The following PI16 variants were observed in gnomAD, a reference collection of about 807,000 sequenced individuals.
PI16 encodes the protein peptidase inhibitor 16.
In PI16, 35 loss-of-function variants were observed where a neutral mutation model predicts 38.0. That is an observed-to-expected ratio of 0.92 (90% CI 0.70 to 1.22). The LOEUF (loss-of-function observed/expected upper bound fraction) is 1.22. Among genes scored for constraint, PI16 ranks in the 50% most tolerant of loss-of-function variants. The pLI, the probability that PI16 is intolerant of heterozygous loss-of-function variation, is 0.00. For missense variants in PI16, 572 were observed against 593.8 expected (o/e 0.96, Z 0.38); for synonymous variants, 275 against 252.9 (o/e 1.09, Z -0.83).
intron 1 of PI16, among the ~76,000 whole-genome samples, chr6:36,958,286 G>A (rs967958349): frequency 6.6e-6 from 1 of 152,212 alleles, no homozygotes; most frequent in Non-Finnish European, 1.5e-5. Context: ...TGGGATCCAG[G>A]TTTCCCCTCC....
chr6:36,962,124 T>C lies in PI16; in HGVS notation c.592+150T>C. ...CCACCGGGGGCCCCTGGCGGCTCCCTTAGCCCCCCACGCGCAGCCACTTTG... is the reference window on the plus strand; with the variant it reads ...CCACCGGGGGCCCCTGGCGGCTCCCCTAGCCCCCCACGCGCAGCCACTTTG... On this transcript the variant is annotated intron_variant, in intron 4 of 6. Coordinates refer to ENST00000373674, the MANE Select transcript of PI16 (RefSeq NM_153370.3). The surrounding 1 kb of genome is among the most constrained non-coding windows in gnomAD (Gnocchi z 4.1). 1 of 607,574 alleles carries C rather than the reference T, an allele frequency of 1.6e-6. No homozygotes were observed. Among genetic ancestry groups the C allele is most frequent in the Non-Finnish European group, 2.9e-6 (1 of 339,338 alleles). The allele number at this position is 607,574 out of a possible 1,614,324, so 37.6% of individuals were successfully genotyped here. A position where few individuals can be genotyped will look rare whatever the true frequency, so the allele number is the denominator to read the frequency against.
chr6:36,954,982 G>A (rs981680894), intron 1 of PI16, 51 bp downstream of exon 1: 1 of 1,580,100 alleles, frequency 6.3e-7, no homozygotes, highest in African/African-American at 1.3e-5. Flanking sequence ...GTGCTGGCCA[G>A]GGTCTGTCAC....
rs1451577601 is a variant in PI16 at position 36,954,915 on chromosome 6, C to T, written c.155C>T (p.Ser52Leu). 2 of 1,613,040 alleles carry T rather than the reference C, an allele frequency of 1.2e-6. No homozygotes were observed. Among genetic ancestry groups the T allele is most frequent in the African/African-American group, 1.3e-5 (1 of 74,874 alleles). ...CGGGCCCAGGTATCCCCGACGGCCT[C>T]AGACATGCTGCACATGGTAAGTGTG... ...LYRAQVSPTASDMLHMRWDEE... is the reference protein window; with the variant it reads ...LYRAQVSPTALDMLHMRWDEE... The change falls in exon 1 of 7, where the codon TCA becomes TTA. Residue 52 changes from serine (S) to leucine (L), a missense_variant. By Grantham distance (145) the Ser-to-Leu change is moderately radical (BLOSUM62 -2). Transcript: ENST00000373674.
In PI16 at chr6:36,954,887, T is replaced by A. The variant is rs768386245; in HGVS notation, c.127T>A (p.Tyr43Asn). 1.4e-5 allele frequency: 22 copies of A among 1,613,890 alleles called. No individual in the cohort carries two copies. The highest frequency in any genetic ancestry group is 1.8e-5 in the Non-Finnish European group (21 of 1,180,030). Residue 43 changes from tyrosine (Y) to asparagine (N), a missense_variant, in exon 1 of 7, where the codon TAC (tyrosine) becomes AAC (asparagine). Coordinates refer to ENST00000373674, the MANE Select transcript of PI16 (RefSeq NM_153370.3). The part of the protein sequence containing the change: ...KRLMVELHNL[Y>N]RAQVSPTASD... ...TTTGATGGTGGAGCTGCACAACCTC[T>A]ACCGGGCCCAGGTATCCCCGACGGC...
At position 36,962,854 on chromosome 6, in the gene PI16, C is replaced by T. The variant is rs946719602; in HGVS notation, c.593-81C>T. 8.3e-5 allele frequency: 99 copies of T among 1,198,722 alleles called. No homozygotes were observed. Among genetic ancestry groups the T allele is most frequent in the Middle Eastern group, 2.7e-4 (1 of 3,728 alleles). 74.3% of individuals were successfully genotyped at this position (1,198,722 alleles called of 1,614,324 possible). Reference sequence around the variant, plus strand: ...TGTGTGTCCTGGTAGGACATTTGGTCGCGTCACTTGGTTTGCAGTGCCATG... The same window carrying T: ...TGTGTGTCCTGGTAGGACATTTGGTTGCGTCACTTGGTTTGCAGTGCCATG... On this transcript the variant is annotated intron_variant, in intron 4 of 6. Coordinates refer to ENST00000373674, the MANE Select transcript of PI16 (RefSeq NM_153370.3). The surrounding 1 kb of genome is among the most constrained non-coding windows in gnomAD (Gnocchi z 4.1).
chr6:36,954,749 C>T lies in PI16; in HGVS notation c.-12C>T, dbSNP rs760235156. The T allele has an allele frequency of 2.4e-5, 38 of 1,606,310 alleles. No individual in the cohort carries two copies. Among genetic ancestry groups the T allele is most frequent in the Middle Eastern group, 1.7e-4 (1 of 6,034 alleles). Reference sequence around the variant, plus strand: ...GACCCCTGGACGGGAGAAGGAGAGACGGCTGGCCACCATGCACGGCTCCTG... The same window carrying T: ...GACCCCTGGACGGGAGAAGGAGAGATGGCTGGCCACCATGCACGGCTCCTG... On this transcript the variant is annotated 5_prime_UTR_variant, in exon 1 of 7. In the 5' UTR this introduces an upstream ATG that the reference lacks. Transcript: ENST00000373674.
In PI16 at chr6:36,961,891, A is replaced by C. The variant is rs1157785635; in HGVS notation, c.509A>C (p.Asn170Thr). ...ATCCTCCTGACCTCCTGTAGGGGGA[A>C]CGTGAAGGGGAAACGGCCCTACCAG... ...LLVCNYEPPG[N>T]VKGKRPYQEG... The change falls in exon 4 of 7, where the codon AAC becomes ACC. Residue 170 changes from asparagine to threonine, a missense_variant. Physicochemically the swap from Asn to Thr is moderately conservative, Grantham distance 65 (BLOSUM62 0). Coordinates refer to ENST00000373674, the MANE Select transcript of PI16 (RefSeq NM_153370.3). 1.2e-6 allele frequency: 2 copies of C among 1,613,276 alleles called. No homozygotes were observed. Among genetic ancestry groups the C allele is most frequent in the Admixed American group, 3.3e-5 (2 of 59,986 alleles).
Position 36,963,217 on chromosome 6 carries a change from T to C in PI16, c.875T>C (p.Leu292Ser). ...PCVTTEVPSI[L>S]AAHSLPSLDE... Reference sequence around the variant, plus strand: ...GTAACAACTGAGGTCCCTTCCATTTTGGCAGCTCACAGCCTGCCCTCCTTG... The same window carrying C: ...GTAACAACTGAGGTCCCTTCCATTTCGGCAGCTCACAGCCTGCCCTCCTTG... The change falls in exon 5 of 7, where the codon TTG (leucine) becomes TCG (serine). Residue 292 changes from leucine to serine, a missense_variant. Leu to Ser is a moderately radical substitution (Grantham distance 145, BLOSUM62 -2). Coordinates refer to ENST00000373674, the MANE Select transcript of PI16 (RefSeq NM_153370.3). The C allele has an allele frequency of 1.2e-6, 2 of 1,614,258 alleles. No homozygotes were observed. Among genetic ancestry groups the C allele is most frequent in the Admixed American group, 3.3e-5 (2 of 60,032 alleles).
chr6:36,963,396 C>T lies in PI16; in HGVS notation c.1054C>T (p.His352Tyr). 1 of 1,614,214 alleles carries T rather than the reference C, an allele frequency of 6.2e-7. No homozygotes were observed. Among genetic ancestry groups the T allele is most frequent in the Non-Finnish European group, 8.5e-7 (1 of 1,180,032 alleles). ...SLTGARELLP[H>Y]AQEEAEAEAE... is the part of the protein sequence containing the mutation. The stretch of plus-strand genomic sequence containing the variant: ...GACAGGGGCAAGGGAACTCCTACCC[C>T]ATGCCCAGGAGGAGGCTGAGGCTGA... Residue 352 changes from histidine to tyrosine, a missense_variant, in exon 5 of 7, where the codon CAT (histidine) becomes TAT (tyrosine). Transcript: ENST00000373674.
At chr6:36,960,500 G>C (rs1228108065) in intron 2 of PI16, among the ~76,000 whole-genome samples, 1 of 152,134 alleles carries the variant, frequency 6.6e-6, no homozygotes, top group African/African-American at 2.4e-5. Flanking sequence ...CCATTTCTCA[G>C]TGTCTCTTTT....
upstream of PI16, among the ~76,000 whole-genome samples, chr6:36,950,054 T>A (rs1283968237): frequency 6.6e-6 from 1 of 152,188 alleles, no homozygotes; most frequent in Non-Finnish European, 1.5e-5. This position sits in a 1 kb window ranked among gnomAD's most constrained non-coding sequence, Gnocchi z 4.2. Context: ...AAATTTACCA[T>A]CTTACCCATG....
At position 36,959,378 on chromosome 6, in the gene PI16, G is replaced by C; in HGVS notation, c.393+12G>C. On this transcript the variant is annotated intron_variant, in intron 2 of 6. Coordinates refer to ENST00000373674, the MANE Select transcript of PI16 (RefSeq NM_153370.3). ...GCCACTACACGCAGGTGTGGGCCCG[G>C]CGGGCGAGGCGGGGCGGAGCCTCGC... 6.5e-7 allele frequency: 1 copy of C among 1,541,780 alleles called. No individual in the cohort carries two copies. The highest frequency in any genetic ancestry group is 8.7e-7 in the Non-Finnish European group (1 of 1,143,480).
Position 36,962,098 on chromosome 6 carries a change from AC to A in PI16, c.592+126del. 1 of 709,370 alleles carries A rather than the reference AC, an allele frequency of 1.4e-6. No individual in the cohort carries two copies. Among genetic ancestry groups the A allele is most frequent in the Admixed American group, 2.3e-5 (1 of 42,732 alleles). 43.9% of individuals were successfully genotyped at this position (709,370 alleles called of 1,614,324 possible). The stretch of plus-strand genomic sequence containing the variant: ...CAGGGAAGGAGCCTGGTGGGATGCG[AC>A]CACCGGGGGCCCCTGGCGGCTCCCT... On this transcript the variant is annotated intron_variant, in intron 4 of 6. Transcript: ENST00000373674. The surrounding 1 kb of genome is among the most constrained non-coding windows in gnomAD (Gnocchi z 4.1).
At chr6:36,956,063 A>T (rs989271518) in intron 1 of PI16, among the ~76,000 whole-genome samples, 6 of 152,130 alleles carry the variant, frequency 3.9e-5, no homozygotes, top group Non-Finnish European at 8.8e-5. Flanking sequence ...GCCTAATGTG[A>T]TCTGGCTGAA....
chr6:36,952,613 T>C (rs1275207440), upstream of PI16, among the ~76,000 whole-genome samples: 1 of 152,240 alleles, frequency 6.6e-6, no homozygotes, highest in Non-Finnish European at 1.5e-5. Context: ...TTTGACCATA[T>C]GTGTAAGAGT....
chr6:36,948,610 C>CT lies in PI16; in HGVS notation c.-82+217dup, dbSNP rs970395067. ...ACCACGCCCAGCTCTGTGTTTCTTT[C>CT]TTTTTTTTTTTCCTTCCTTCCTCCT... On this transcript the variant is annotated intron_variant, in intron 1 of 7. Transcript: ENST00000611814. Among the ~76,000 whole-genome samples the CT allele has an allele frequency of 3.4e-4, 46 of 134,238 alleles. 1 individual carries two copies. The highest frequency in any genetic ancestry group is 9.4e-4 in the African/African-American group (33 of 35,254). The allele number at this position is 134,238 out of a possible 152,430, so 88.1% of individuals were successfully genotyped here. A position where few individuals can be genotyped will look rare whatever the true frequency, so the allele number is the denominator to read the frequency against.
chr6:36,958,142 T>C (rs62406523), intron 1 of PI16, among the ~76,000 whole-genome samples: 24,350 of 152,200 alleles, frequency 0.16, 2,169 homozygotes, highest in Middle Eastern at 0.22. Context: ...CACAGCCACC[T>C]CCCCTCAGGG....
In PI16 at chr6:36,962,740, T is replaced by A. The variant is rs1308107204; in HGVS notation, c.593-195T>A. Among the ~76,000 whole-genome samples, 3 of 152,208 alleles carry A rather than the reference T, an allele frequency of 2.0e-5. No individual in the cohort carries two copies. The highest frequency in any genetic ancestry group is 7.2e-5 in the African/African-American group (3 of 41,456). On this transcript the variant is annotated intron_variant, in intron 4 of 6. Transcript: ENST00000373674. The surrounding 1 kb of genome is among the most constrained non-coding windows in gnomAD (Gnocchi z 4.1). Reference sequence around the variant, plus strand: ...CACCTGCCTCAGTCTCCCAAAGTGCTGGGATTACAGACGTGAGCCACCGCG... The same window carrying A: ...CACCTGCCTCAGTCTCCCAAAGTGCAGGGATTACAGACGTGAGCCACCGCG...
At chr6:36,963,758 T>C (rs896378052) in intron 5 of PI16, 65 bp from the exon 6 acceptor site, 2 of 1,534,132 alleles carry the variant, frequency 1.3e-6, no homozygotes, top group Non-Finnish European at 1.8e-6. Flanking sequence ...CCTTGCATGG[T>C]GGGGTGGGCG....
Sources: allele counts gnomAD v4.1 joint callset (sites outside exome capture counted in the v4.1 genomes callset), GRCh38; gene constraint gnomAD v4.1.1; non-coding constraint Gnocchi (gnomAD v3.1); transcripts MANE v1.5; gene names NCBI Gene and HGNC (gene_info 2026-07-23, HGNC 2026-07-21).